The following CPVL variants were observed in gnomAD, a reference collection of about 807,000 sequenced individuals.
CPVL encodes the protein probable serine carboxypeptidase CPVL.
In CPVL, 51 loss-of-function variants were observed where a neutral mutation model predicts 63.7. The ratio of observed to expected loss-of-function variants is 0.80; its 90% confidence interval spans 0.64 to 1.01. The LOEUF is 1.01. CPVL is among the 50% of genes least tolerant of loss of function. The probability of loss-of-function intolerance (pLI) is 0.00; values close to 1 mark genes in which losing one functional copy is unlikely to be tolerated. For missense variants in CPVL, 530 were observed against 573.1 expected, an observed-to-expected ratio of 0.92 and a Z score of 0.77; for synonymous variants, 195 against 206.0, an observed-to-expected ratio of 0.95 and a Z score of 0.46.
At chr7:29,184,659 G>A (rs1798488634) in intron 3 of CPVL, 1 of 152,216 alleles carries the variant, frequency 6.6e-6, no homozygotes, top group Non-Finnish European at 1.5e-5. Context: ...CAACTGATGT[G>A]ATGGGGCCCA....
chr7:29,045,328 A>G (rs1789507436), intron 11 of CPVL, among the ~76,000 whole-genome samples: 1 of 152,228 alleles, frequency 6.6e-6, no homozygotes, highest in African/African-American at 2.4e-5. Flanking sequence ...CATTTGGATT[A>G]TAACGGATAC....
chr7:29,148,638 A>T (rs1440086256), upstream of CPVL: 3 of 152,254 alleles, frequency 2.0e-5, no homozygotes, highest in African/African-American at 7.2e-5. Flanking sequence ...AGAAGTTATT[A>T]AAGCTTAAAA....
At chr7:29,118,741 T>C (rs985901073) in intron 2 of CPVL, among the ~76,000 whole-genome samples, 6 of 152,238 alleles carry the variant, frequency 3.9e-5, no homozygotes, top group South Asian at 4.1e-4. Context: ...AACTTCTTTA[T>C]AGAGTATTTA....
chr7:29,190,001 G>A (rs1313346506), intron 1 of CPVL, among the ~76,000 whole-genome samples: 1 of 152,214 alleles, frequency 6.6e-6, no homozygotes, highest in Non-Finnish European at 1.5e-5. Context: ...AGGCAGGGCC[G>A]CTACCTGCGG....
intron 11 of CPVL, among the ~76,000 whole-genome samples, chr7:29,050,794 A>G (rs1351539898): frequency 6.6e-6 from 1 of 151,140 alleles, no homozygotes; most frequent in African/African-American, 2.4e-5. Flanking sequence ...AGCCAAAGTG[A>G]GACTAAGCAA....
chr7:29,038,728 A>G (rs1216661825), intron 11 of CPVL, among the ~76,000 whole-genome samples: 2 of 152,244 alleles, frequency 1.3e-5, no homozygotes, highest in Admixed American at 6.5e-5. Context: ...CTCTGTATCC[A>G]TACCTCTGTC....
Position 29,070,651 on chromosome 7 carries a change from C to CA in CPVL, c.864+1121dup, listed in dbSNP as rs551959773. ...TGCAGCCACATTTAGTGTCCTGACA[C>CA]AGAGAAAGGAGAGCCTGGTGGAGCT... is the stretch of plus-strand genomic sequence containing the variant. On this transcript the variant is annotated intron_variant, in intron 9 of 12. Transcript: ENST00000265394. Among the ~76,000 whole-genome samples the CA allele has an allele frequency of 1.4e-3, 208 of 152,280 alleles. 2 individuals carry two copies. The highest frequency in any genetic ancestry group is 4.8e-3 in the African/African-American group (200 of 41,560).
intron 11 of CPVL, among the ~76,000 whole-genome samples, chr7:29,057,363 T>C (rs1309317796): frequency 6.6e-6 from 1 of 152,226 alleles, no homozygotes; most frequent in African/African-American, 2.4e-5. Flanking sequence ...ATTGTTGAGC[T>C]ATAAGGGTTT....
At chr7:29,152,203 T>G (rs1475496802) in intron 5 of CPVL, among the ~76,000 whole-genome samples, 5 of 152,172 alleles carry the variant, frequency 3.3e-5, no homozygotes, top group Non-Finnish European at 5.9e-5. Context: ...AGGTATTTCT[T>G]GGTAGGAATG....
At chr7:29,171,651 C>T (rs17157602) in intron 5 of CPVL, among the ~76,000 whole-genome samples, 12,517 of 152,126 alleles carry the variant, frequency 0.082, 710 homozygotes, top group East Asian at 0.2. Flanking sequence ...AATACTTGTC[C>T]GGAGATGAAC....
chr7:29,094,131 A>C (rs1164586114), intron 5 of CPVL, among the ~76,000 whole-genome samples: 1 of 152,188 alleles, frequency 6.6e-6, no homozygotes, highest in Non-Finnish European at 1.5e-5. Context: ...ACTTGAGGTC[A>C]GGAGTTCAAG....
intron 4 of CPVL, 66 bp downstream of exon 4, chr7:29,096,037 G>T: frequency 1.6e-6 from 2 of 1,249,028 alleles, no homozygotes; most frequent in Non-Finnish European, 2.4e-6. Flanking sequence ...CTCTAAATTA[G>T]TTTTGGAGCA....
At chr7:28,998,279 T>C (rs1176599559) in intron 12 of CPVL, among the ~76,000 whole-genome samples, 1 of 152,204 alleles carries the variant, frequency 6.6e-6, no homozygotes, top group Non-Finnish European at 1.5e-5. Context: ...GGAAATGAGT[T>C]TGGCAGCAAT....
At chr7:29,071,520 T>C (rs141100433) in intron 9 of CPVL, among the ~76,000 whole-genome samples, 1,994 of 152,306 alleles carry the variant, frequency 0.013, 23 homozygotes, top group Admixed American at 0.023. Context: ...AAACGGTTAA[T>C]GAAAGACACA....
chr7:29,177,588 C>T (rs1438087782), intron 5 of CPVL, among the ~76,000 whole-genome samples: 3 of 150,640 alleles, frequency 2.0e-5, no homozygotes, highest in Non-Finnish European at 4.4e-5. Context: ...ACTGGCTTTT[C>T]CTCTGTCCCC....
intron 5 of CPVL, among the ~76,000 whole-genome samples, chr7:29,152,536 G>T (rs1420731834): frequency 1.3e-5 from 2 of 152,158 alleles, no homozygotes; most frequent in African/African-American, 4.8e-5. Context: ...AAATGATACA[G>T]TGCCTGTCTT....
At chr7:29,195,057 C>G in intron 1 of CPVL, 1 of 1,504,324 alleles carries the variant, frequency 6.6e-7, no homozygotes, top group Non-Finnish European at 9.0e-7. Flanking sequence ...GCCCCGCAGC[C>G]TGGGATGGAC....
chr7:29,155,903 G>C (rs1794302889), intron 5 of CPVL, among the ~76,000 whole-genome samples: 1 of 152,164 alleles, frequency 6.6e-6, no homozygotes, highest in Non-Finnish European at 1.5e-5. Context: ...GGGTCTGTGA[G>C]CTGGGAAATA....
intron 5 of CPVL, among the ~76,000 whole-genome samples, chr7:29,159,051 G>C (rs1794817456): frequency 1.3e-5 from 2 of 152,160 alleles, no homozygotes; most frequent in Admixed American, 6.5e-5. Context: ...TTAAAACCTA[G>C]CCACCCATTT....
Sources: gnomAD v4.1 joint callset for allele counts (sites outside exome capture counted in the v4.1 genomes callset) on GRCh38, gnomAD v4.1.1 for gene constraint, MANE v1.5 for transcripts, NCBI Gene and HGNC (gene_info 2026-07-23, HGNC 2026-07-21) for gene names.